The following GRK5 variants were observed in gnomAD, a reference collection of about 807,000 sequenced individuals.
GRK5 encodes the protein g protein-coupled receptor kinase GRK5.
GRK5 carries 40 observed loss-of-function variants against 78.4 expected under a neutral mutation model. That is an observed-to-expected ratio of 0.51 (90% CI 0.40 to 0.66). The LOEUF (loss-of-function observed/expected upper bound fraction) is 0.66, where lower values mean the gene tolerates loss of function less well. Ranked by LOEUF, GRK5 falls within the 30% of genes least tolerant of loss-of-function variation. The probability of loss-of-function intolerance (pLI) is 0.00; values close to 1 mark genes in which losing one functional copy is unlikely to be tolerated. For missense variants in GRK5, 598 were observed against 759.9 expected (o/e 0.79, Z 2.50); for synonymous variants, 289 against 296.8 (o/e 0.97, Z 0.27).
At position 119,378,351 on chromosome 10, in the gene GRK5, A is replaced by C. The variant is rs1851657135; in HGVS notation, c.149-2464A>C. On this transcript the variant is annotated intron_variant, in intron 2 of 15. Transcript: ENST00000392870. This position sits in a 1 kb window ranked among gnomAD's most constrained non-coding sequence, Gnocchi z 4.5. ...GCAGTCCAGGGCTAGTTGGAGCCAC[A>C]AAACCATTTGAGAGTGGGCCAAGAG... 1.3e-5 allele frequency among the ~76,000 whole-genome samples: 2 copies of C among 152,228 alleles called. No individual in the cohort carries two copies. The highest frequency in any genetic ancestry group is 2.9e-5 in the Non-Finnish European group (2 of 68,038).
chr10:119,324,702 G>A (rs757049042), intron 1 of GRK5, among the ~76,000 whole-genome samples: 1 of 152,248 alleles, frequency 6.6e-6, no homozygotes, highest in Non-Finnish European at 1.5e-5. Context: ...TTGGCCCCGG[G>A]CAGGGCCAGT....
intron 6 of GRK5, among the ~76,000 whole-genome samples, chr10:119,427,945 CCA>C (rs1449421808): frequency 3.9e-5 from 6 of 152,158 alleles, no homozygotes; most frequent in Non-Finnish European, 8.8e-5. Context: ...AGCCTCACTG[CCA>C]TCATCAGCCT....
chr10:119,422,216 G>A (rs1309533657), intron 4 of GRK5, among the ~76,000 whole-genome samples: 1 of 152,084 alleles, frequency 6.6e-6, no homozygotes, highest in African/African-American at 2.4e-5. Context: ...GGTGGGTAAG[G>A]CCTGCCCTGG....
At chr10:119,369,049 C>T (rs964325540) in intron 2 of GRK5, among the ~76,000 whole-genome samples, 5 of 152,170 alleles carry the variant, frequency 3.3e-5, no homozygotes, top group Non-Finnish European at 7.3e-5. Flanking sequence ...GTGCTCCTGC[C>T]TGGGCCGGGC....
chr10:119,337,241 A>G (rs1356208762), intron 2 of GRK5, among the ~76,000 whole-genome samples: 1 of 152,190 alleles, frequency 6.6e-6, no homozygotes, highest in African/African-American at 2.4e-5. Flanking sequence ...ATTTCCAGAT[A>G]AGTGAACTGA....
chr10:119,325,075 G>A (rs987480146), intron 1 of GRK5, among the ~76,000 whole-genome samples: 4 of 152,210 alleles, frequency 2.6e-5, no homozygotes, highest in African/African-American at 7.2e-5. Context: ...GCTTCCTGGA[G>A]CAGGAGCAGA....
chr10:119,427,479 TCAG>T (rs1852716808), intron 6 of GRK5, among the ~76,000 whole-genome samples: 1 of 148,576 alleles, frequency 6.7e-6, no homozygotes, highest in African/African-American at 2.5e-5. Context: ...ACCACCATCA[TCAG>T]CATCACCGCC....
chr10:119,387,214 G>C (rs1012249611), intron 3 of GRK5, among the ~76,000 whole-genome samples: 2 of 152,066 alleles, frequency 1.3e-5, no homozygotes, highest in African/African-American at 4.8e-5. Context: ...ATGTTGGCTG[G>C]TCTGGTCCTG....
At chr10:119,214,018 A>G (rs1217560197) in intron 1 of GRK5, among the ~76,000 whole-genome samples, 22 of 152,182 alleles carry the variant, frequency 1.4e-4, no homozygotes, top group Admixed American at 1.4e-3. Flanking sequence ...TCTGTCGCGC[A>G]GGCTAGACTG....
At chr10:119,320,358 A>G (rs1455164892) in intron 1 of GRK5, among the ~76,000 whole-genome samples, 3 of 152,228 alleles carry the variant, frequency 2.0e-5, no homozygotes. Context: ...AAGTGGGAAG[A>G]TTTCAGGTGG....
intron 4 of GRK5, among the ~76,000 whole-genome samples, chr10:119,422,644 C>T (rs1276765104): frequency 6.6e-6 from 1 of 152,248 alleles, no homozygotes; most frequent in Non-Finnish European, 1.5e-5. Context: ...AACCTCGAGG[C>T]TGGGCAGGTG....
intron 9 of GRK5, 87 bp downstream of exon 9, chr10:119,436,928 C>T (rs762451106): frequency 1.2e-5 from 15 of 1,264,694 alleles, no homozygotes; most frequent in South Asian, 1.5e-5. Flanking sequence ...TGGTTGCCAT[C>T]GCTCTGGGAA....
chr10:119,450,182 C>T (rs963657374), intron 13 of GRK5, among the ~76,000 whole-genome samples: 5 of 152,132 alleles, frequency 3.3e-5, no homozygotes, highest in African/African-American at 4.8e-5. Context: ...GGCTGATGTC[C>T]GAAATTGGAG....
chr10:119,233,589 C>A (rs898521988), intron 1 of GRK5, among the ~76,000 whole-genome samples: 24 of 152,014 alleles, frequency 1.6e-4, no homozygotes, highest in Non-Finnish European at 3.1e-4. Flanking sequence ...CCAGATGTAC[C>A]CCCCTGGTTT....
At chr10:119,276,729 C>T (rs1013813232) in intron 1 of GRK5, among the ~76,000 whole-genome samples, 2 of 152,162 alleles carry the variant, frequency 1.3e-5, no homozygotes, top group Non-Finnish European at 2.9e-5. Context: ...TTGAAGCTGC[C>T]TTTGACATTT....
chr10:119,270,162 C>A (rs1849563069), intron 1 of GRK5, among the ~76,000 whole-genome samples: 1 of 152,238 alleles, frequency 6.6e-6, no homozygotes, highest in Admixed American at 6.5e-5. Flanking sequence ...TCCTTTGCAG[C>A]CCACTGCCAG....
Position 119,264,747 on chromosome 10 carries a change from G to C in GRK5, c.52+56778G>C, listed in dbSNP as rs7091859. ...GTAAGTGGGGTAGGACTATTCTTCAGCAGTGGGAGGGACCCTGGGTGGACT... is the reference window on the plus strand; with the variant it reads ...GTAAGTGGGGTAGGACTATTCTTCACCAGTGGGAGGGACCCTGGGTGGACT... On this transcript the variant is annotated intron_variant, in intron 1 of 15. Transcript: ENST00000392870. The surrounding 1 kb of genome is among the most constrained non-coding windows in gnomAD (Gnocchi z 4.1). Among the ~76,000 whole-genome samples, 20,403 of 152,226 alleles carry C rather than the reference G, an allele frequency of 0.13. 1,472 individuals are homozygous for C. The highest frequency in any genetic ancestry group is 0.17 in the Middle Eastern group (51 of 294).
intron 1 of GRK5, among the ~76,000 whole-genome samples, chr10:119,307,776 G>C (rs1850296469): frequency 6.8e-6 from 1 of 147,774 alleles, no homozygotes; most frequent in African/African-American, 2.5e-5. Flanking sequence ...CTGGTGGCGA[G>C]CCCTCCTTTC....
chr10:119,329,743 C>G (rs1850736193), intron 2 of GRK5, among the ~76,000 whole-genome samples: 1 of 151,168 alleles, frequency 6.6e-6, no homozygotes, highest in South Asian at 2.1e-4. Flanking sequence ...AAAACAAAAA[C>G]AAAAACAAAA....
Sources: gnomAD v4.1 joint callset for allele counts (sites outside exome capture counted in the v4.1 genomes callset) on GRCh38, gnomAD v4.1.1 for gene constraint, Gnocchi (gnomAD v3.1) non-coding constraint, MANE v1.5 for transcripts, NCBI Gene and HGNC (gene_info 2026-07-23, HGNC 2026-07-21) for gene names.